Variants in CHAT observed in about 807,000 individuals in gnomAD.
CHAT encodes the protein choline O-acetyltransferase.
CHAT carries 61 observed loss-of-function variants against 76.9 expected under a neutral mutation model. The ratio of observed to expected loss-of-function variants is 0.79; its 90% CI spans 0.65 to 0.98. CHAT has a LOEUF of 0.98. CHAT is among the 50% of genes least tolerant of loss of function. The probability of loss-of-function intolerance (pLI) is 0.00; values close to 1 mark genes in which losing one functional copy is unlikely to be tolerated. For synonymous variants in CHAT, 407 were observed against 397.4 expected, an observed-to-expected ratio of 1.02 and a Z score of -0.29; for missense variants, 946 against 986.9, an observed-to-expected ratio of 0.96 and a Z score of 0.56.
intron 1 of CHAT, 77 bp from the exon 2 acceptor site, chr10:49,616,425 C>A: frequency 8.9e-7 from 1 of 1,125,516 alleles, no homozygotes; most frequent in Non-Finnish European, 1.3e-6. Flanking sequence ...GGGTGGGGGT[C>A]TGTTGGCGGG....
At chr10:49,642,508 C>A (rs1244783621) in intron 7 of CHAT, among the ~76,000 whole-genome samples, 3 of 152,224 alleles carry the variant, frequency 2.0e-5, no homozygotes, top group Non-Finnish European at 1.5e-5. Context: ...CAATCTGCCT[C>A]CCCTGCCTGG....
In CHAT at chr10:49,642,049, C is replaced by T. The variant is rs575904032; in HGVS notation, c.1112-4456C>T. 2.6e-5 allele frequency among the ~76,000 whole-genome samples: 4 copies of T among 152,310 alleles called. No homozygotes were observed. In the East Asian group the frequency reaches 7.7e-4, roughly 29 times the overall value. On this transcript the variant is annotated intron_variant, in intron 7 of 14. Coordinates refer to ENST00000337653, the MANE Select transcript of CHAT (RefSeq NM_020549.5). ...ATTTCCACACTACCAAAGCTGTCAG[C>T]TCCCTCCTTGGGCATGGGTGTCAGA...
intron 13 of CHAT, among the ~76,000 whole-genome samples, chr10:49,657,281 G>A (rs1012333757): frequency 6.6e-6 from 1 of 152,182 alleles, no homozygotes; most frequent in Non-Finnish European, 1.5e-5. Context: ...AGTGGAAGGT[G>A]GAAAGGCCGA....
upstream of CHAT, chr10:49,612,428 A>C (rs936164912): frequency 1.3e-5 from 17 of 1,323,936 alleles, no homozygotes; most frequent in East Asian, 7.1e-5. Flanking sequence ...CTCAGGGCCC[A>C]CCTCCTCCAG....
rs545552068 is a variant in CHAT at position 49,665,106 on chromosome 10, T to C, written c.*60T>C. 7 of 1,587,012 alleles carry C rather than the reference T, an allele frequency of 4.4e-6. No homozygotes were observed. The African/African-American group carries it at 5.4e-5, about 12-fold the overall frequency. On this transcript the variant is annotated 3_prime_UTR_variant, in exon 15 of 15. Transcript: ENST00000337653. ...CTCTAGAACAGCCAGACCCTGCAGATCCCCACTCCCGTCCCTTACCCCAGC... is the reference window on the plus strand; with the variant it reads ...CTCTAGAACAGCCAGACCCTGCAGACCCCCACTCCCGTCCCTTACCCCAGC...
rs1838389397 is a variant in CHAT, at chr10:49,614,244, A to G, written c.55A>G (p.Arg19Gly). The G allele has an allele frequency of 1.9e-6, 3 of 1,543,186 alleles. No individual in the cohort carries two copies. The highest frequency in any genetic ancestry group is 2.6e-6 in the Non-Finnish European group (3 of 1,143,380). The change falls in exon 1 of 15, where the codon AGA (arginine) becomes GGA (glycine). Residue 19 changes from arginine to glycine, a missense_variant. Physicochemically the swap from Arg to Gly is moderately radical, Grantham distance 125. Coordinates refer to ENST00000337653, the MANE Select transcript of CHAT (RefSeq NM_020549.5). ...RGLGGGGKWK[R>G]EEGGGTRGRR... The stretch of plus-strand genomic sequence containing the variant: ...GCTTGGGGGAGGGGGGAAATGGAAG[A>G]GAGAGGAGGGAGGAGGTACAAGAGG...
Position 49,620,551 on chromosome 10 carries a change from C to G in CHAT, c.636C>G (p.Val212=), listed in dbSNP as rs1258413812. The G allele has an allele frequency of 6.2e-7, 1 of 1,613,814 alleles. No individual in the cohort carries two copies. The part of the protein sequence containing the change: ...MYLNNRLALP[V]NSSPAVIFAR... ...TCAACAACCGCCTGGCCCTGCCTGTCAACTCCAGCCCTGCCGTGATCTTTG... is the reference window on the plus strand; with the variant it reads ...TCAACAACCGCCTGGCCCTGCCTGTGAACTCCAGCCCTGCCGTGATCTTTG... The change falls in exon 4 of 15, where the codon GTC becomes GTG. Residue 212 remains valine, a synonymous_variant. Coordinates refer to ENST00000337653, the MANE Select transcript of CHAT (RefSeq NM_020549.5).
Position 49,648,520 on chromosome 10 carries a change from G to A in CHAT, c.1295G>A (p.Arg432Gln), listed in dbSNP as rs377494035. ...YDKSLQFVVG[R>Q]DGTCGVVCEH... ...TTCCTGTTGCAGTTTGTGGTGGGCC[G>A]AGACGGCACCTGCGGTGTGGTGTGC... is the stretch of plus-strand genomic sequence containing the variant. Residue 432 changes from arginine to glutamine, a missense_variant, in exon 9 of 15, where the codon CGA becomes CAA. This residue lies in a region of CHAT where 49 missense variants were observed against 76.7 expected (regional missense o/e 0.64). Coordinates refer to ENST00000337653, the MANE Select transcript of CHAT (RefSeq NM_020549.5). 19 of 1,613,802 alleles carry A rather than the reference G, an allele frequency of 1.2e-5. No homozygotes were observed. The highest frequency in any genetic ancestry group is 1.7e-4 in the Middle Eastern group (1 of 6,050).
chr10:49,637,138 T>C (rs886284064), intron 7 of CHAT, among the ~76,000 whole-genome samples: 34 of 152,098 alleles, frequency 2.2e-4, no homozygotes, highest in Admixed American at 2.6e-4. Flanking sequence ...ACTGTATTGA[T>C]TTCTGCTCTT....
At chr10:49,611,909 T>C (rs1838308950), upstream of CHAT, 2 of 1,611,976 alleles carry the variant, frequency 1.2e-6, no homozygotes, top group Admixed American at 3.3e-5. Context: ...CTATGCGGCC[T>C]CTGTTTTGGC....
chr10:49,659,437 G>A (rs568619605), intron 13 of CHAT, among the ~76,000 whole-genome samples: 28 of 152,230 alleles, frequency 1.8e-4, no homozygotes, highest in East Asian at 5.8e-4. Context: ...AGGGGTGCCC[G>A]CAGGATGACA....
chr10:49,633,360 T>C (rs1228416110), intron 7 of CHAT, among the ~76,000 whole-genome samples: 7 of 152,132 alleles, frequency 4.6e-5, no homozygotes, highest in Non-Finnish European at 7.4e-5. Flanking sequence ...GCTTGCTCTT[T>C]CCTGGGCACC....
intron 13 of CHAT, among the ~76,000 whole-genome samples, chr10:49,658,477 C>T (rs1292892021): frequency 6.6e-6 from 1 of 152,194 alleles, no homozygotes; most frequent in Non-Finnish European, 1.5e-5. Context: ...AAGATCACGT[C>T]ATTGTACTTC....
rs553071117 is a variant in CHAT, at chr10:49,623,402, A to C, written c.752+1252A>C. Among the ~76,000 whole-genome samples, 4 of 152,316 alleles carry C rather than the reference A, an allele frequency of 2.6e-5. No individual in the cohort carries two copies. In the South Asian group the frequency reaches 8.3e-4, roughly 32 times the overall value. ...ATGATTGAAAAGGACTTAAGACTGG[A>C]ACATTTTCCTGAGTGCCTGTTTTGA... On this transcript the variant is annotated intron_variant, in intron 5 of 14. Coordinates refer to ENST00000337653, the MANE Select transcript of CHAT (RefSeq NM_020549.5).
chr10:49,627,818 C>A, intron 7 of CHAT, 33 bp downstream of exon 7: 2 of 1,606,386 alleles, frequency 1.2e-6, no homozygotes, highest in South Asian at 1.1e-5. Context: ...TCTCCATGCC[C>A]ATCTCATGCT....
chr10:49,636,093 C>T (rs55776475), intron 7 of CHAT, among the ~76,000 whole-genome samples: 5,063 of 152,218 alleles, frequency 0.033, 264 homozygotes, highest in African/African-American at 0.11. Flanking sequence ...AAAAGATTAA[C>T]GTACAAAACT....
upstream of CHAT, among the ~76,000 whole-genome samples, chr10:49,609,403 C>A (rs1838230694): frequency 6.7e-6 from 1 of 149,026 alleles, no homozygotes; most frequent in Admixed American, 6.6e-5. Flanking sequence ...CTGGCAGGAG[C>A]CGAGGGAGGG....
intron 10 of CHAT, among the ~76,000 whole-genome samples, chr10:49,650,971 C>T (rs1839857080): frequency 6.6e-6 from 1 of 152,032 alleles, no homozygotes. Flanking sequence ...CTTCCAGGGA[C>T]CTGAGCAGAC....
At chr10:49,651,502 G>T (rs1839876582) in intron 10 of CHAT, among the ~76,000 whole-genome samples, 2 of 152,228 alleles carry the variant, frequency 1.3e-5, no homozygotes, top group South Asian at 4.1e-4. Context: ...GTGCTCCAGA[G>T]TCTCAGTGCA....
Sources: allele counts gnomAD v4.1 joint callset (sites outside exome capture counted in the v4.1 genomes callset), GRCh38; gene constraint gnomAD v4.1.1; regional missense constraint gnomAD v4.1.1; transcripts MANE v1.5; gene names NCBI Gene and HGNC (gene_info 2026-07-23, HGNC 2026-07-21).